ARHGAP35: variants seen among roughly 807,000 people sequenced by gnomAD.
The protein encoded by ARHGAP35 is rho GTPase-activating protein 35.
In ARHGAP35, 15 loss-of-function variants were observed where a neutral mutation model predicts 111.1. The ratio of observed to expected loss-of-function variants is 0.13; its 90% CI spans 0.09 to 0.21. The LOEUF (loss-of-function observed/expected upper bound fraction) is 0.21, where lower values mean the gene tolerates loss of function less well. Ranked by LOEUF, ARHGAP35 falls within the 10% of genes least tolerant of loss-of-function variation. ARHGAP35 has a pLI of 1.00. For synonymous variants in ARHGAP35, 643 were observed against 710.3 expected (o/e 0.91, Z 1.51); for missense variants, 1,262 against 1,873.0 (o/e 0.67, Z 6.02).
At chr19:46,950,273 A>C (rs569071892) in intron 3 of ARHGAP35, among the ~76,000 whole-genome samples, 2 of 152,174 alleles carry the variant, frequency 1.3e-5, no homozygotes, top group Admixed American at 6.6e-5. Context: ...TCTCATTGCT[A>C]TGTAGACTTT....
At chr19:46,869,887 G>C (rs1431316407) in intron 1 of ARHGAP35, among the ~76,000 whole-genome samples, 2 of 151,804 alleles carry the variant, frequency 1.3e-5, no homozygotes, top group East Asian at 3.9e-4. Flanking sequence ...TGTAGGTAGA[G>C]GCTGGTGGAT....
At chr19:46,874,258 C>T (rs911046998) in intron 1 of ARHGAP35, among the ~76,000 whole-genome samples, 10 of 151,996 alleles carry the variant, frequency 6.6e-5, no homozygotes, top group Admixed American at 6.6e-4. Context: ...ATTTTTATGC[C>T]GTTTATAAAA....
At chr19:46,906,396 C>G (rs1049853031) in intron 1 of ARHGAP35, among the ~76,000 whole-genome samples, 1 of 152,218 alleles carries the variant, frequency 6.6e-6, no homozygotes, top group Non-Finnish European at 1.5e-5. Flanking sequence ...TTAAAACCTG[C>G]CAGTTCCATC....
intron 2 of ARHGAP35, among the ~76,000 whole-genome samples, chr19:46,929,237 G>T (rs1363905198): frequency 6.6e-6 from 1 of 152,134 alleles, no homozygotes; most frequent in African/African-American, 2.4e-5. Context: ...AGAAGGGGGA[G>T]CACCGGTTAA....
intron 1 of ARHGAP35, among the ~76,000 whole-genome samples, chr19:46,903,301 G>A (rs147363087): frequency 1.3e-5 from 2 of 152,190 alleles, no homozygotes; most frequent in African/African-American, 4.8e-5. Context: ...TGCCGTGGGA[G>A]TCAGAGTCGG....
intron 1 of ARHGAP35, among the ~76,000 whole-genome samples, chr19:46,883,347 G>A (rs1230064432): frequency 8.6e-5 from 13 of 151,544 alleles, no homozygotes; most frequent in South Asian, 4.2e-4. Flanking sequence ...TGATCCGCCC[G>A]CCTTCAGCCT....
At position 46,992,069 on chromosome 19, in the gene ARHGAP35, C is replaced by T. The variant is rs1191261645; in HGVS notation, c.4036+2394C>T. 6.6e-6 allele frequency among the ~76,000 whole-genome samples: 1 copy of T among 152,230 alleles called. No individual in the cohort carries two copies. The highest frequency in any genetic ancestry group is 2.4e-5 in the African/African-American group (1 of 41,442). On this transcript the variant is annotated intron_variant, in intron 5 of 6. Transcript: ENST00000672722. This position sits in a 1 kb window ranked among gnomAD's most constrained non-coding sequence, Gnocchi z 4.4. ...TTATTTGCCAGTTATTTTCCTCCCA[C>T]ACTCAAGGTGACACGTGGGAGATTC...
chr19:46,865,055 A>T (rs1280163740), intron 1 of ARHGAP35, among the ~76,000 whole-genome samples: 1 of 152,202 alleles, frequency 6.6e-6, no homozygotes, highest in African/African-American at 2.4e-5. Flanking sequence ...CTGGTAACCG[A>T]TGTTCTTAAA....
At chr19:46,897,394 A>G (rs2056063016) in intron 1 of ARHGAP35, among the ~76,000 whole-genome samples, 1 of 151,322 alleles carries the variant, frequency 6.6e-6, no homozygotes, top group African/African-American at 2.4e-5. Context: ...ATGAAGGGCC[A>G]TAAGTATAGT....
intron 1 of ARHGAP35, among the ~76,000 whole-genome samples, chr19:46,896,874 T>C (rs2056059836): frequency 1.3e-5 from 2 of 152,146 alleles, no homozygotes; most frequent in Non-Finnish European, 2.9e-5. Flanking sequence ...CAAGCATTTA[T>C]CTACTGGGCA....
intron 3 of ARHGAP35, chr19:46,947,220 C>T (rs554681970): frequency 1.3e-5 from 2 of 152,200 alleles, no homozygotes; most frequent in African/African-American, 4.8e-5. Flanking sequence ...AATTAAGCAC[C>T]TACTATATGC....
Position 47,003,010 on chromosome 19 carries a change from CTG to C in ARHGAP35, c.*2325_*2326del, listed in dbSNP as rs1040002983. The C allele has an allele frequency of 6.6e-6, 1 of 152,504 alleles. No homozygotes were observed. Among genetic ancestry groups the C allele is most frequent in the Non-Finnish European group, 1.5e-5 (1 of 68,176 alleles). 9.4% of individuals were successfully genotyped at this position (152,504 alleles called of 1,614,324 possible). On this transcript the variant is annotated 3_prime_UTR_variant, in exon 7 of 7. Transcript: ENST00000672722. ...GTCAGCCAAGGTGGGCAGGCAGGGA[CTG>C]TGGCAGCTTATGTCCAAAGGGAGCC...
Position 46,920,843 on chromosome 19 carries a change from A to T in ARHGAP35, c.2168A>T (p.Gln723Leu), listed in dbSNP as rs2056195090. ...CATAGCTTAATACAGCAAGGTCAAC[A>T]AATTGCTAGCAAACTTCAGTGTGTC... ...TLHSLIQQGQ[Q>L]IASKLQCVFL... The change falls in exon 2 of 7, where the codon CAA becomes CTA. Residue 723 changes from glutamine to leucine, a missense_variant. This residue lies in a region of ARHGAP35 where 579 missense variants were observed against 716.9 expected (regional missense o/e 0.81). Coordinates refer to ENST00000672722, the MANE Select transcript of ARHGAP35 (RefSeq NM_004491.5). The surrounding 1 kb of genome is among the most constrained non-coding windows in gnomAD (Gnocchi z 7.0). The T allele has an allele frequency of 1.2e-6, 2 of 1,613,596 alleles. No individual in the cohort carries two copies. Among genetic ancestry groups the T allele is most frequent in the Non-Finnish European group, 1.7e-6 (2 of 1,179,674 alleles).
chr19:46,983,767 C>G lies in ARHGAP35; in HGVS notation c.3827-4222C>G, dbSNP rs1175690897. The stretch of plus-strand genomic sequence containing the variant: ...TAGCTGGGACTACAGGCACCCGCCA[C>G]CATGCCTGGCTAATTTTTTTTGTAT... On this transcript the variant is annotated intron_variant, in intron 3 of 6. Transcript: ENST00000672722. Among the ~76,000 whole-genome samples, 3 of 152,142 alleles carry G rather than the reference C, an allele frequency of 2.0e-5. No homozygotes were observed. In the East Asian group the frequency reaches 5.8e-4, roughly 29 times the overall value.
At position 46,908,089 on chromosome 19, in the gene ARHGAP35, A is replaced by G. The variant is rs528838724; in HGVS notation, c.-188-10399A>G. The stretch of plus-strand genomic sequence containing the variant: ...TCTTCAGCACTGTCCTTTGTTGGCA[A>G]GGCACATTTGGCTGGACGCAGCCTC... On this transcript the variant is annotated intron_variant, in intron 1 of 6. Coordinates refer to ENST00000672722, the MANE Select transcript of ARHGAP35 (RefSeq NM_004491.5). This position sits in a 1 kb window ranked among gnomAD's most constrained non-coding sequence, Gnocchi z 4.2. 7.2e-5 allele frequency among the ~76,000 whole-genome samples: 11 copies of G among 152,306 alleles called. No individual in the cohort carries two copies. In the East Asian group the frequency reaches 2.1e-3, roughly 29 times the overall value.
In ARHGAP35 at chr19:46,880,088, A is replaced by AAAAT. The variant is rs112300759; in HGVS notation, c.-189+18908_-189+18911dup. Among the ~76,000 whole-genome samples the AAAAT allele has an allele frequency of 7.1e-3, 1,084 of 151,702 alleles. 9 individuals carry two copies. The highest frequency in any genetic ancestry group is 0.013 in the African/African-American group (538 of 41,310). ...GTGATGAGGCAAGACAATGTCTCAA[A>AAAAT]AAATAAATAAATAAATAAATAAATA... On this transcript the variant is annotated intron_variant, in intron 1 of 6. Coordinates refer to ENST00000672722, the MANE Select transcript of ARHGAP35 (RefSeq NM_004491.5).
intron 1 of ARHGAP35, among the ~76,000 whole-genome samples, chr19:46,907,008 G>A (rs753641366): frequency 3.9e-5 from 6 of 152,150 alleles, no homozygotes; most frequent in Non-Finnish European, 8.8e-5. Context: ...AGGATCACTT[G>A]ATCCTGGGGA....
chr19:46,905,435 G>T (rs61501533), intron 1 of ARHGAP35, among the ~76,000 whole-genome samples: 9,224 of 151,412 alleles, frequency 0.061, 410 homozygotes, highest in East Asian at 0.17. Context: ...GAGTGCAGTG[G>T]CGCGATCTTG....
intron 1 of ARHGAP35, among the ~76,000 whole-genome samples, chr19:46,892,139 A>G (rs904222874): frequency 3.0e-4 from 45 of 149,488 alleles, no homozygotes; most frequent in East Asian, 9.8e-4. Context: ...AAAAAAAAAA[A>G]AAAAAAAAGA....
Sources: allele counts gnomAD v4.1 joint callset (sites outside exome capture counted in the v4.1 genomes callset), GRCh38; gene constraint gnomAD v4.1.1; regional missense constraint gnomAD v4.1.1; non-coding constraint Gnocchi (gnomAD v3.1); transcripts MANE v1.5; gene names NCBI Gene and HGNC (gene_info 2026-07-23, HGNC 2026-07-21).